The following IL15RA variants were observed in gnomAD, a reference collection of about 807,000 sequenced individuals.
IL15RA encodes interleukin-15 receptor subunit alpha.
In IL15RA, 26 loss-of-function variants were observed where a neutral mutation model predicts 24.2. The observed-to-expected ratio is 1.07, with a 90% CI of 0.79 to 1.49. IL15RA has a LOEUF of 1.49. Ranked by LOEUF, IL15RA falls within the 40% of genes most tolerant of loss-of-function variation. IL15RA has a pLI of 0.00. For synonymous variants in IL15RA, 166 were observed against 157.6 expected, an observed-to-expected ratio of 1.05 and a Z score of -0.40; for missense variants, 354 against 356.4, an observed-to-expected ratio of 0.99 and a Z score of 0.05.
intron 1 of IL15RA, among the ~76,000 whole-genome samples, chr10:5,969,358 A>ATTAAATTTT (rs1837200727): frequency 3.1e-4 from 1 of 3,218 alleles, no homozygotes; most frequent in African/African-American, 3.4e-4. Flanking sequence ...AATTTTTTAA[A>ATTAAATTTT]TTAAATTAAA....
rs1449462047 is a variant in IL15RA at position 5,962,138 on chromosome 10, C to G, written c.383-1571G>C. On this transcript the variant is annotated intron_variant, in intron 3 of 6. Coordinates refer to ENST00000379977, the MANE Select transcript of IL15RA (RefSeq NM_002189.4). The surrounding 1 kb of genome is among the most constrained non-coding windows in gnomAD (Gnocchi z 5.2). ...TGATCATTCTCCTCCTTGGGTGAAC[C>G]AGGTGTGACTCAGATCAAAGGGGTT... 2.0e-5 allele frequency among the ~76,000 whole-genome samples: 3 copies of G among 152,192 alleles called. No individual in the cohort carries two copies. Among genetic ancestry groups the G allele is most frequent in the Non-Finnish European group, 4.4e-5 (3 of 68,038 alleles).
chr10:5,952,486 C>A lies in IL15RA; in HGVS notation c.*609G>T, dbSNP rs909796200. 6.5e-6 allele frequency: 1 copy of A among 153,214 alleles called. No homozygotes were observed. The highest frequency in any genetic ancestry group is 1.5e-5 in the Non-Finnish European group (1 of 68,492). 9.5% of individuals were successfully genotyped at this position (153,214 alleles called of 1,614,324 possible). Reference sequence around the variant, plus strand: ...ATAGACAAGGAAGTATAAATATAAACGCATATATTCGTAAAATGGCACTGA... The same window carrying A: ...ATAGACAAGGAAGTATAAATATAAAAGCATATATTCGTAAAATGGCACTGA... On this transcript the variant is annotated 3_prime_UTR_variant, in exon 7 of 7. Transcript: ENST00000379977.
At position 5,977,154 on chromosome 10, in the gene IL15RA, A is replaced by C. The variant is rs546837352; in HGVS notation, c.88+251T>G. The C allele has an allele frequency of 3.0e-4, 100 of 330,130 alleles. 1 individual carries two copies. Among genetic ancestry groups the C allele is most frequent in the Middle Eastern group, 2.4e-3 (3 of 1,240 alleles). 20.5% of individuals were successfully genotyped at this position (330,130 alleles called of 1,614,324 possible). A position where few individuals can be genotyped will look rare whatever the true frequency, so the allele number is the denominator to read the frequency against. ...GACCTCGGCCTCGGAGACCCCAGCCAGGCCGCCCGCTCCCTTACGTGGGTG... is the reference window on the plus strand; with the variant it reads ...GACCTCGGCCTCGGAGACCCCAGCCCGGCCGCCCGCTCCCTTACGTGGGTG... On this transcript the variant is annotated intron_variant, in intron 1 of 6. Coordinates refer to ENST00000379977, the MANE Select transcript of IL15RA (RefSeq NM_002189.4).
In IL15RA at chr10:5,961,494, G is replaced by A. The variant is rs1564498023; in HGVS notation, c.383-927C>T. ...ACTAGAGAAGGCAGGCCCAACGCTG[G>A]AGGCTCAGCTGAGAGCAGGTGAAGC... On this transcript the variant is annotated intron_variant, in intron 3 of 6. Transcript: ENST00000379977. This position sits in a 1 kb window ranked among gnomAD's most constrained non-coding sequence, Gnocchi z 5.2. Among the ~76,000 whole-genome samples, 1 of 152,244 alleles carries A rather than the reference G, an allele frequency of 6.6e-6. No homozygotes were observed. Among genetic ancestry groups the A allele is most frequent in the Non-Finnish European group, 1.5e-5 (1 of 68,044 alleles).
intron 1 of IL15RA, among the ~76,000 whole-genome samples, chr10:5,974,821 G>A (rs1461233069): frequency 6.6e-6 from 1 of 152,126 alleles, no homozygotes; most frequent in African/African-American, 2.4e-5. Flanking sequence ...AGGTTTCAGT[G>A]AGCAGAGATG....
In IL15RA at chr10:5,963,906, C is replaced by T. The variant is rs1038848324; in HGVS notation, c.284-65G>A. The T allele has an allele frequency of 4.9e-5, 49 of 1,007,020 alleles. No homozygotes were observed. The highest frequency in any genetic ancestry group is 4.4e-4 in the African/African-American group (26 of 58,894). 62.4% of individuals were successfully genotyped at this position (1,007,020 alleles called of 1,614,324 possible). The stretch of plus-strand genomic sequence containing the variant: ...CCTGGAACCTGGGCTGGCTTCAGAA[C>T]GGGATACAAATAAAATATATCAACA... On this transcript the variant is annotated intron_variant, in intron 2 of 6. Transcript: ENST00000379977. The surrounding 1 kb of genome is among the most constrained non-coding windows in gnomAD (Gnocchi z 5.3).
chr10:5,978,731 A>T (rs888216417), upstream of IL15RA, among the ~76,000 whole-genome samples: 2 of 152,096 alleles, frequency 1.3e-5, no homozygotes, highest in Non-Finnish European at 2.9e-5. The surrounding 1 kb of genome is among the most constrained non-coding windows in gnomAD (Gnocchi z 5.2). Context: ...CCCCATCTCT[A>T]CTAAAAATAC....
At position 5,962,724 on chromosome 10, in the gene IL15RA, C is replaced by T. The variant is rs1372255795; in HGVS notation, c.382+1019G>A. Among the ~76,000 whole-genome samples the T allele has an allele frequency of 1.3e-5, 2 of 152,124 alleles. No individual in the cohort carries two copies. Among genetic ancestry groups the T allele is most frequent in the Admixed American group, 6.6e-5 (1 of 15,264 alleles). ...ACAACTGACACTCCGCAAAGGATGG[C>T]TGAGTCCTGTAGTATGAATGACAAC... On this transcript the variant is annotated intron_variant, in intron 3 of 6. Coordinates refer to ENST00000379977, the MANE Select transcript of IL15RA (RefSeq NM_002189.4). This position sits in a 1 kb window ranked among gnomAD's most constrained non-coding sequence, Gnocchi z 5.2.
At position 5,975,058 on chromosome 10, in the gene IL15RA, C is replaced by T. The variant is rs1017848536; in HGVS notation, c.88+2347G>A. ...TTAAACATACACCTGCCATATAACA[C>T]AGCCACTCTACTCCCAACCATTCTC... On this transcript the variant is annotated intron_variant, in intron 1 of 6. Transcript: ENST00000379977. This position sits in a 1 kb window ranked among gnomAD's most constrained non-coding sequence, Gnocchi z 4.8. 6.6e-6 allele frequency among the ~76,000 whole-genome samples: 1 copy of T among 151,568 alleles called. No individual in the cohort carries two copies. The highest frequency in any genetic ancestry group is 1.5e-5 in the Non-Finnish European group (1 of 67,908).
downstream of IL15RA, chr10:5,949,381 T>C (rs41294013): frequency 0.03 from 14,032 of 470,516 alleles, 374 homozygotes; most frequent in South Asian, 0.061. This position sits in a 1 kb window ranked among gnomAD's most constrained non-coding sequence, Gnocchi z 4.4. Flanking sequence ...CCCGGTAATA[T>C]AGTGCCTAAT....
rs1835615656 is a variant in IL15RA, at chr10:5,961,856, CA to C, written c.383-1290del. On this transcript the variant is annotated intron_variant, in intron 3 of 6. Coordinates refer to ENST00000379977, the MANE Select transcript of IL15RA (RefSeq NM_002189.4). The surrounding 1 kb of genome is among the most constrained non-coding windows in gnomAD (Gnocchi z 5.2). ...CCGCGTTCCCATGGTCTCCCAGCCA[CA>C]CAGGTCATGAGAAGGCCTCACGCCC... 6.6e-6 allele frequency among the ~76,000 whole-genome samples: 1 copy of C among 152,250 alleles called. No individual in the cohort carries two copies. The highest frequency in any genetic ancestry group is 2.1e-4 in the South Asian group (1 of 4,838).
chr10:5,958,540 C>T lies in IL15RA; in HGVS notation c.616+1214G>A, dbSNP rs1199739410. Among the ~76,000 whole-genome samples the T allele has an allele frequency of 6.6e-6, 1 of 152,220 alleles. No homozygotes were observed. Among genetic ancestry groups the T allele is most frequent in the African/African-American group, 2.4e-5 (1 of 41,522 alleles). On this transcript the variant is annotated intron_variant, in intron 5 of 6. Transcript: ENST00000379977. This position sits in a 1 kb window ranked among gnomAD's most constrained non-coding sequence, Gnocchi z 4.3. ...AGGTGGGACTACAGGCATGTGCCACCATGTCTGGCTAATTTTTTGTATTTT... is the reference window on the plus strand; with the variant it reads ...AGGTGGGACTACAGGCATGTGCCACTATGTCTGGCTAATTTTTTGTATTTT...
rs1258104392 is a variant in IL15RA, at chr10:5,970,723, A to G, written c.89-4384T>C. Among the ~76,000 whole-genome samples the G allele has an allele frequency of 6.7e-6, 1 of 148,354 alleles. No homozygotes were observed. The highest frequency in any genetic ancestry group is 1.5e-5 in the Non-Finnish European group (1 of 67,636). On this transcript the variant is annotated intron_variant, in intron 1 of 6. Coordinates refer to ENST00000379977, the MANE Select transcript of IL15RA (RefSeq NM_002189.4). The surrounding 1 kb of genome is among the most constrained non-coding windows in gnomAD (Gnocchi z 4.1). ...ATTATTTTATTTTTAAAATGATTTTATTTTATTTCATTATTATTTTATTTT... is the reference window on the plus strand; with the variant it reads ...ATTATTTTATTTTTAAAATGATTTTGTTTTATTTCATTATTATTTTATTTT...
chr10:5,969,355 TAAA>T (rs1837197379), intron 1 of IL15RA, among the ~76,000 whole-genome samples: 1 of 310 alleles, frequency 3.2e-3, no homozygotes, highest in South Asian at 0.17. Flanking sequence ...TTAAATTTTT[TAAA>T]TTAAATTAAA....
Position 5,973,318 on chromosome 10 carries a change from G to T in IL15RA, c.88+4087C>A, listed in dbSNP as rs543819411. ...TTGTTCCTTAATTTCTCTAAGCAAT[G>T]CTTTGTAGTTTTCCATATATGAAAG... On this transcript the variant is annotated intron_variant, in intron 1 of 6. Transcript: ENST00000379977. This position sits in a 1 kb window ranked among gnomAD's most constrained non-coding sequence, Gnocchi z 4.5. Among the ~76,000 whole-genome samples the T allele has an allele frequency of 6.6e-6, 1 of 152,168 alleles. No individual in the cohort carries two copies. The highest frequency in any genetic ancestry group is 1.5e-5 in the Non-Finnish European group (1 of 68,020).
chr10:5,959,354 A>T lies in IL15RA; in HGVS notation c.616+400T>A, dbSNP rs3136624. 3.6e-3 allele frequency among the ~76,000 whole-genome samples: 552 copies of T among 151,930 alleles called. 1 individual carries two copies. The highest frequency in any genetic ancestry group is 5.7e-3 in the Non-Finnish European group (389 of 67,932). On this transcript the variant is annotated intron_variant, in intron 5 of 6. Transcript: ENST00000379977. The surrounding 1 kb of genome is among the most constrained non-coding windows in gnomAD (Gnocchi z 4.1). Reference sequence around the variant, plus strand: ...TGTGGACAGCTTCTCTGTTAAGTGCACGGTGCCACGCCCTGGAGAGGAATT... The same window carrying T: ...TGTGGACAGCTTCTCTGTTAAGTGCTCGGTGCCACGCCCTGGAGAGGAATT...
intron 1 of IL15RA, among the ~76,000 whole-genome samples, chr10:5,976,428 T>A (rs1047896100): frequency 1.3e-5 from 2 of 152,220 alleles, no homozygotes; most frequent in African/African-American, 4.8e-5. Flanking sequence ...ATGGCGTTAC[T>A]AATTCCTATA....
chr10:5,949,818 C>T (rs1833750185), downstream of IL15RA, among the ~76,000 whole-genome samples: 1 of 152,100 alleles, frequency 6.6e-6, no homozygotes, highest in African/African-American at 2.4e-5. This position sits in a 1 kb window ranked among gnomAD's most constrained non-coding sequence, Gnocchi z 4.4. Flanking sequence ...TATTTCTTGC[C>T]AGGCACGGTG....
intron 6 of IL15RA, among the ~76,000 whole-genome samples, chr10:5,956,117 C>T (rs190281491): frequency 6.0e-4 from 92 of 152,192 alleles, no homozygotes; most frequent in Non-Finnish European, 1.2e-3. Flanking sequence ...CGGGTTCAAG[C>T]GATTCTCCTG....
Sources: gnomAD v4.1 joint callset for allele counts (sites outside exome capture counted in the v4.1 genomes callset) on GRCh38, gnomAD v4.1.1 for gene constraint, Gnocchi (gnomAD v3.1) non-coding constraint, MANE v1.5 for transcripts, NCBI Gene and HGNC (gene_info 2026-07-23, HGNC 2026-07-21) for gene names.